Variants in UNC13C observed in about 807,000 individuals in gnomAD.
The protein encoded by UNC13C is unc-13 homolog C, also known as protein unc-13 homolog C.
Under a neutral mutation model 245.4 loss-of-function variants are expected in UNC13C, and 174 were observed. That is an observed-to-expected ratio of 0.71 (90% confidence interval 0.63 to 0.80). The LOEUF (loss-of-function observed/expected upper bound fraction) is 0.80. Ranked by LOEUF, UNC13C falls within the 30% of genes least tolerant of loss-of-function variation. The probability of loss-of-function intolerance (pLI) is 0.00; values close to 1 mark genes in which losing one functional copy is unlikely to be tolerated. For synonymous variants in UNC13C, 992 were observed against 895.1 expected, an observed-to-expected ratio of 1.11 and a Z score of -1.93; for missense variants, 2,829 against 2,602.9, an observed-to-expected ratio of 1.09 and a Z score of -1.89.
intron 24 of UNC13C, among the ~76,000 whole-genome samples, chr15:54,514,538 T>C (rs1894884063): frequency 6.6e-6 from 1 of 152,254 alleles, no homozygotes; most frequent in Non-Finnish European, 1.5e-5. Context: ...TTGCTCAAAA[T>C]GGTTTTTAAT....
chr15:54,250,122 A>G (rs1304556272), intron 7 of UNC13C, 103 bp from the exon 8 acceptor site: 17 of 1,133,142 alleles, frequency 1.5e-5, no homozygotes, highest in Non-Finnish European at 2.2e-5. Context: ...GCTCTCTCAA[A>G]ATACCATTTT....
At chr15:54,450,161 T>C (rs1200955592) in intron 19 of UNC13C, among the ~76,000 whole-genome samples, 1 of 152,202 alleles carries the variant, frequency 6.6e-6, no homozygotes, top group Non-Finnish European at 1.5e-5. Context: ...CCAGCCACGA[T>C]GAGGTGTCAG....
intron 2 of UNC13C, among the ~76,000 whole-genome samples, chr15:54,055,479 T>C (rs1897469648): frequency 6.6e-6 from 1 of 152,184 alleles, no homozygotes; most frequent in Non-Finnish European, 1.5e-5. Flanking sequence ...AACAAGCAAG[T>C]GCTATTGTTG....
the UNC13C span, among the ~76,000 whole-genome samples, chr15:53,909,973 T>C: frequency 6.9e-6 from 1 of 145,426 alleles, no homozygotes; most frequent in Non-Finnish European, 1.5e-5. Context: ...TTTCTGTATT[T>C]TCATGTTTTA....
chr15:54,250,393 G>C lies in UNC13C; in HGVS notation c.3397G>C (p.Val1133Leu). 6.2e-7 allele frequency: 1 copy of C among 1,613,746 alleles called. No homozygotes were observed. The highest frequency in any genetic ancestry group is 8.5e-7 in the Non-Finnish European group (1 of 1,179,770). The change falls in exon 8 of 33, where the codon GTG becomes CTG. Residue 1133 changes from valine (V) to leucine (L), a missense_variant. Transcript: ENST00000260323. The stretch of plus-strand genomic sequence containing the variant: ...AGGCATGAAGTGTCTGGAGTGTGGA[G>C]TGAAATGCCACGAAAAGTGTCAGGA... ...RQGMKCLECGVKCHEKCQDLL... is the reference protein window; with the variant it reads ...RQGMKCLECGLKCHEKCQDLL...
At chr15:54,572,175 G>A (rs557048665) in intron 30 of UNC13C, among the ~76,000 whole-genome samples, 43 of 151,888 alleles carry the variant, frequency 2.8e-4, no homozygotes, top group Non-Finnish European at 5.7e-4. Flanking sequence ...TCTAAACTCT[G>A]TGCCCTGACC....
At position 54,565,245 on chromosome 15, in the gene UNC13C, A is replaced by G. The variant is rs193017815; in HGVS notation, c.5959-2555A>G. The stretch of plus-strand genomic sequence containing the variant: ...TGTTGGTTACATTTCCTACTAGATC[A>G]TAATCCCTTTTGGAGCAACCACTGT... On this transcript the variant is annotated intron_variant, in intron 29 of 32. Coordinates refer to ENST00000260323, the MANE Select transcript of UNC13C (RefSeq NM_001080534.3). Among the ~76,000 whole-genome samples the G allele has an allele frequency of 3.9e-5, 6 of 152,106 alleles. 1 individual carries two copies. In the East Asian group the frequency reaches 7.7e-4, roughly 20 times the overall value.
rs762326276 is a variant in UNC13C, at chr15:54,500,954, T to C, written c.5277T>C (p.Ser1759=). Residue 1759 remains serine (S), a synonymous_variant, in exon 22 of 33, where the codon TCT becomes TCC. Coordinates refer to ENST00000260323, the MANE Select transcript of UNC13C (RefSeq NM_001080534.3). ...AATGCCCTAATCCTGAAGCATTATC[T>C]CACTTAATGAGAAGATTTGCAAAGG... ...KLECPNPEAL[S]HLMRRFAKTI... 37 of 1,612,586 alleles carry C rather than the reference T, an allele frequency of 2.3e-5. No individual in the cohort carries two copies. Among genetic ancestry groups the C allele is most frequent in the Non-Finnish European group, 3.1e-5 (36 of 1,179,068 alleles).
chr15:53,874,881 G>A, the UNC13C span, among the ~76,000 whole-genome samples: 1 of 152,152 alleles, frequency 6.6e-6, no homozygotes, highest in Non-Finnish European at 1.5e-5. Context: ...GGATCATGAG[G>A]TCAGGAGTTC....
intron 19 of UNC13C, among the ~76,000 whole-genome samples, chr15:54,481,038 T>C (rs908338142): frequency 2.6e-5 from 4 of 152,132 alleles, no homozygotes; most frequent in African/African-American, 9.7e-5. Flanking sequence ...AACTATAGTA[T>C]TGGTTTGGTA....
chr15:53,881,657 C>T, the UNC13C span, among the ~76,000 whole-genome samples: 2 of 152,156 alleles, frequency 1.3e-5, no homozygotes, highest in African/African-American at 2.4e-5. Flanking sequence ...GTCCTTTAGC[C>T]AGTTCTTTCT....
the UNC13C span, among the ~76,000 whole-genome samples, chr15:53,860,141 T>C: frequency 6.6e-6 from 1 of 152,214 alleles, no homozygotes; most frequent in South Asian, 2.1e-4. Context: ...ATGCACGTTG[T>C]TCAATTGTAT....
intron 8 of UNC13C, 130 bp from the exon 9 acceptor site, chr15:54,264,037 TA>T: frequency 3.5e-6 from 3 of 861,124 alleles, no homozygotes; most frequent in Non-Finnish European, 5.4e-6. Context: ...GATATTTTTC[TA>T]AAAAGCCACC....
chr15:54,252,355 T>C (rs911469818), intron 8 of UNC13C, among the ~76,000 whole-genome samples: 1 of 152,186 alleles, frequency 6.6e-6, no homozygotes. Context: ...ATTTGTTAAA[T>C]AAATTATGCA....
chr15:54,568,774 T>C (rs1897624040), intron 30 of UNC13C, among the ~76,000 whole-genome samples: 1 of 152,154 alleles, frequency 6.6e-6, no homozygotes, highest in African/African-American at 2.4e-5. Flanking sequence ...AACATACAGA[T>C]AAGTTTTTAA....
intron 30 of UNC13C, among the ~76,000 whole-genome samples, chr15:54,591,589 G>A (rs936520870): frequency 7.9e-5 from 12 of 152,158 alleles, no homozygotes; most frequent in African/African-American, 2.6e-4. Context: ...GTTGTTCATA[G>A]TAGCCTTGAA....
At chr15:54,545,836 A>G (rs1896459543) in intron 26 of UNC13C, among the ~76,000 whole-genome samples, 1 of 152,158 alleles carries the variant, frequency 6.6e-6, no homozygotes, top group African/African-American at 2.4e-5. Flanking sequence ...GCTGGAGAGA[A>G]TGTGGAGAAA....
In UNC13C at chr15:54,015,228, A is replaced by G. The variant is rs1309515518; in HGVS notation, c.2325A>G (p.Pro775=). Residue 775 remains proline, a synonymous_variant, in exon 2 of 33, where the codon CCA becomes CCG. Coordinates refer to ENST00000260323, the MANE Select transcript of UNC13C (RefSeq NM_001080534.3). ...AAAGTGATGATTCAGAGGATGCCCCACCCAAATCATGGCATAGTCGATTAA... is the reference window on the plus strand; with the variant it reads ...AAAGTGATGATTCAGAGGATGCCCCGCCCAAATCATGGCATAGTCGATTAA... The part of the protein sequence containing the change: ...ELQSDDSEDA[P]PKSWHSRLSI... 2 of 1,613,368 alleles carry G rather than the reference A, an allele frequency of 1.2e-6. No individual in the cohort carries two copies. Among genetic ancestry groups the G allele is most frequent in the South Asian group, 2.2e-5 (2 of 90,958 alleles).
At chr15:54,417,016 A>G (rs766177447) in intron 19 of UNC13C, 107 of 456,004 alleles carry the variant, frequency 2.3e-4, no homozygotes, top group Middle Eastern at 3.2e-4. Context: ...GATTTCCCTC[A>G]CCGCATTATC....
Sources: gnomAD v4.1 joint callset for allele counts (sites outside exome capture counted in the v4.1 genomes callset) on GRCh38, gnomAD v4.1.1 for gene constraint, MANE v1.5 for transcripts, NCBI Gene and HGNC (gene_info 2026-07-23, HGNC 2026-07-21) for gene names.